MEF2C: variants seen among roughly 807,000 people sequenced by gnomAD.
MEF2C encodes myocyte enhancer factor 2C.
Under a neutral mutation model 50.5 loss-of-function variants are expected in MEF2C, and 6 were observed. That is an observed-to-expected ratio of 0.12 (90% CI 0.07 to 0.23). The LOEUF (loss-of-function observed/expected upper bound fraction) is 0.23, where lower values mean the gene tolerates loss of function less well. Among genes scored for constraint, MEF2C ranks in the 10% least tolerant of loss-of-function variants. MEF2C has a pLI of 1.00. For missense variants in MEF2C, 276 were observed against 605.0 expected, an observed-to-expected ratio of 0.46 and a Z score of 5.70; for synonymous variants, 183 against 228.0, an observed-to-expected ratio of 0.80 and a Z score of 1.78.
intron 6 of MEF2C, chr5:88,736,976 A>G (rs1469101684): frequency 5.1e-6 from 5 of 984,942 alleles, no homozygotes; most frequent in Non-Finnish European, 4.8e-6. Flanking sequence ...TTCAGCCCAC[A>G]CTGAATTCAC....
intron 1 of MEF2C, among the ~76,000 whole-genome samples, chr5:88,832,630 A>G (rs1486922578): frequency 1.3e-5 from 2 of 152,108 alleles, no homozygotes; most frequent in African/African-American, 4.8e-5. Context: ...ATCTGATTCT[A>G]AAGTCTAATA....
intron 1 of MEF2C, among the ~76,000 whole-genome samples, chr5:88,900,414 A>G (rs1436431353): frequency 6.6e-6 from 1 of 151,842 alleles, no homozygotes; most frequent in Non-Finnish European, 1.5e-5. Flanking sequence ...ATCTTAAAAA[A>G]AACCCTATAT....
chr5:88,872,687 A>G (rs1260409334), intron 1 of MEF2C, among the ~76,000 whole-genome samples: 1 of 152,028 alleles, frequency 6.6e-6, no homozygotes, highest in Non-Finnish European at 1.5e-5. Flanking sequence ...TATATGTATT[A>G]TCCTAGTAAA....
At chr5:88,731,228 C>T (rs897998090) in intron 7 of MEF2C, among the ~76,000 whole-genome samples, 12 of 151,904 alleles carry the variant, frequency 7.9e-5, no homozygotes, top group Non-Finnish European at 1.3e-4. Flanking sequence ...TGTAGGCATG[C>T]GATGTATTAG....
Position 88,749,123 on chromosome 5 carries a change from G to C in MEF2C, c.590-6C>G. 2 of 1,561,900 alleles carry C rather than the reference G, an allele frequency of 1.3e-6. No individual in the cohort carries two copies. Among genetic ancestry groups the C allele is most frequent in the Non-Finnish European group, 1.7e-6 (2 of 1,154,104 alleles). ...GTCTCCACCCATCAGACCACCTATG[G>C]ATTAAAGAGGAAGATCAAAACGAGA... is the stretch of plus-strand genomic sequence containing the variant. On this transcript the variant is annotated splice_region_variant and splice_polypyrimidine_tract_variant and intron_variant, in intron 5 of 10. Coordinates refer to ENST00000504921, the MANE Select transcript of MEF2C (RefSeq NM_002397.5).
intron 3 of MEF2C, among the ~76,000 whole-genome samples, chr5:88,800,227 C>G (rs1416118846): frequency 6.6e-6 from 1 of 152,152 alleles, no homozygotes; most frequent in Non-Finnish European, 1.5e-5. Flanking sequence ...GGTAACCTGT[C>G]TGGGAGTCCT....
chr5:88,868,777 T>A (rs1182446506), intron 1 of MEF2C, among the ~76,000 whole-genome samples: 5 of 152,144 alleles, frequency 3.3e-5, no homozygotes, highest in African/African-American at 9.7e-5. Flanking sequence ...TGAAATTACT[T>A]ACAGGTTAGA....
At chr5:88,827,612 C>T (rs1811419091) in intron 1 of MEF2C, among the ~76,000 whole-genome samples, 2 of 151,790 alleles carry the variant, frequency 1.3e-5, no homozygotes, top group African/African-American at 4.8e-5. Flanking sequence ...CATGTCAGCT[C>T]TAGGTTAGTG....
At chr5:88,828,886 T>C (rs1811969628) in intron 1 of MEF2C, among the ~76,000 whole-genome samples, 1 of 151,984 alleles carries the variant, frequency 6.6e-6, no homozygotes, top group South Asian at 2.1e-4. Context: ...TCTTTGGCCT[T>C]GAAAGTTGCT....
chr5:88,770,929 G>A (rs764600096), intron 3 of MEF2C, among the ~76,000 whole-genome samples: 4 of 152,206 alleles, frequency 2.6e-5, no homozygotes, highest in Non-Finnish European at 5.9e-5. Flanking sequence ...TACCAAGACT[G>A]AGTAATTTAT....
At chr5:88,899,910 T>C (rs1835471581) in intron 1 of MEF2C, among the ~76,000 whole-genome samples, 1 of 152,178 alleles carries the variant, frequency 6.6e-6, no homozygotes, top group Admixed American at 6.6e-5. Context: ...ATGTTGATTA[T>C]TTTAGATCAA....
chr5:88,816,773 A>AT, intron 2 of MEF2C, among the ~76,000 whole-genome samples: 1 of 151,962 alleles, frequency 6.6e-6, no homozygotes, highest in Middle Eastern at 3.4e-3. Context: ...GTTTAGTATA[A>AT]TTTTTAATAC....
chr5:88,889,040 A>AAAATCTT (rs1381914981), intron 1 of MEF2C: 1 of 152,112 alleles, frequency 6.6e-6, no homozygotes, highest in Non-Finnish European at 1.5e-5. Context: ...TTCATTTTAA[A>AAAATCTT]AAATCTTTAC....
At chr5:88,822,109 A>G (rs987532735) in intron 2 of MEF2C, among the ~76,000 whole-genome samples, 18 of 151,982 alleles carry the variant, frequency 1.2e-4, no homozygotes, top group African/African-American at 3.1e-4. Flanking sequence ...CTAATAAAGC[A>G]TAATAAAAGC....
chr5:88,741,436 A>G, intron 6 of MEF2C: 2 of 985,352 alleles, frequency 2.0e-6, no homozygotes, highest in Non-Finnish European at 2.4e-6. Context: ...TATATCACAT[A>G]CTTTCCTTGG....
intron 1 of MEF2C, among the ~76,000 whole-genome samples, chr5:88,833,517 G>A (rs138636336): frequency 5.9e-5 from 9 of 152,188 alleles, no homozygotes; most frequent in East Asian, 1.9e-4. Flanking sequence ...AGTGACGTGC[G>A]GATGTTTGTA....
At chr5:88,851,248 A>G (rs1821241862) in intron 1 of MEF2C, among the ~76,000 whole-genome samples, 2 of 151,742 alleles carry the variant, frequency 1.3e-5, no homozygotes, top group African/African-American at 4.8e-5. Context: ...AAAAAAAAAA[A>G]AAAAGAATGC....
At position 88,761,191 on chromosome 5, in the gene MEF2C, T is replaced by C. The variant is rs1777698298; in HGVS notation, c.396A>G (p.Arg132=). 6.2e-7 allele frequency: 1 copy of C among 1,613,998 alleles called. No individual in the cohort carries two copies. Among genetic ancestry groups the C allele is most frequent in the Non-Finnish European group, 8.5e-7 (1 of 1,179,894 alleles). The part of the protein sequence containing the change: ...EDIDLMISRQ[R]LCAVPPPNFE... ...GGGTGTTCTGAGTACTTACACACAA[T>C]CTTTGCCTGCTGATCATTAGATCAA... Residue 132 remains arginine (R), a synonymous_variant, in exon 4 of 11, where the codon AGA becomes AGG. Transcript: ENST00000504921.
chr5:88,781,577 G>A (rs1161332734), intron 3 of MEF2C, among the ~76,000 whole-genome samples: 2 of 152,162 alleles, frequency 1.3e-5, no homozygotes, highest in Non-Finnish European at 2.9e-5. Context: ...TTATGAAAGG[G>A]CAGGGCTTTT....
Sources: gnomAD v4.1 joint callset for allele counts (sites outside exome capture counted in the v4.1 genomes callset) on GRCh38, gnomAD v4.1.1 for gene constraint, MANE v1.5 for transcripts, NCBI Gene and HGNC (gene_info 2026-07-23, HGNC 2026-07-21) for gene names.